Variants in CATSPERB observed in about 807,000 individuals in gnomAD.
CATSPERB encodes the protein catsper channel auxiliary subunit beta.
CATSPERB carries 93 observed loss-of-function variants against 128.3 expected under a neutral mutation model. The ratio of observed to expected loss-of-function variants is 0.72; its 90% CI spans 0.61 to 0.86. The LOEUF (loss-of-function observed/expected upper bound fraction) is 0.86. Among genes scored for constraint, CATSPERB ranks in the 40% least tolerant of loss-of-function variants. CATSPERB has a pLI of 0.00. For synonymous variants in CATSPERB, 381 were observed against 448.8 expected, an observed-to-expected ratio of 0.85 and a Z score of 1.91; for missense variants, 1,153 against 1,329.5, an observed-to-expected ratio of 0.87 and a Z score of 2.06.
intron 10 of CATSPERB, 132 bp downstream of exon 10, chr14:91,691,391 A>T (rs552876940): frequency 1.9e-4 from 84 of 433,792 alleles, no homozygotes; most frequent in African/African-American, 1.6e-3. Context: ...AAAAATATAT[A>T]TTTTGTTTAA....
intron 14 of CATSPERB, among the ~76,000 whole-genome samples, chr14:91,661,619 G>A (rs1447650708): frequency 6.6e-6 from 1 of 150,432 alleles, no homozygotes; most frequent in Non-Finnish European, 1.5e-5. Flanking sequence ...TGCCACCTCT[G>A]CCTTCTCAGC....
chr14:91,638,281 AC>A (rs1457673588), intron 16 of CATSPERB, among the ~76,000 whole-genome samples: 1 of 152,146 alleles, frequency 6.6e-6, no homozygotes, highest in Non-Finnish European at 1.5e-5. Context: ...TATTATAAAA[AC>A]CGGTATCAAG....
intron 26 of CATSPERB, among the ~76,000 whole-genome samples, chr14:91,583,565 C>G (rs1893245720): frequency 6.6e-6 from 1 of 152,242 alleles, no homozygotes; most frequent in South Asian, 2.1e-4. Context: ...TGTTTCCCTT[C>G]TAATCTTCTT....
At chr14:91,640,325 T>C (rs1256544347) in intron 15 of CATSPERB, among the ~76,000 whole-genome samples, 2 of 149,944 alleles carry the variant, frequency 1.3e-5, no homozygotes, top group Admixed American at 6.6e-5. Context: ...ACATGTGCCA[T>C]GCTGGTGCAC....
intron 22 of CATSPERB, among the ~76,000 whole-genome samples, chr14:91,600,303 C>T (rs1415476470): frequency 6.6e-6 from 1 of 152,176 alleles, no homozygotes; most frequent in Non-Finnish European, 1.5e-5. Flanking sequence ...ATTATTATAG[C>T]TATTCTAATG....
chr14:91,664,409 G>A (rs1201871975), intron 14 of CATSPERB, among the ~76,000 whole-genome samples: 2 of 151,812 alleles, frequency 1.3e-5, no homozygotes, highest in Non-Finnish European at 2.9e-5. Context: ...GGGATTACAA[G>A]CGCCTGCCAC....
intron 11 of CATSPERB, among the ~76,000 whole-genome samples, chr14:91,683,199 C>T (rs1895314682): frequency 6.6e-6 from 1 of 152,150 alleles, no homozygotes; most frequent in Non-Finnish European, 1.5e-5. Flanking sequence ...TGTCCCTGCA[C>T]CATAATGCTC....
intron 22 of CATSPERB, among the ~76,000 whole-genome samples, chr14:91,603,589 G>A (rs1188975765): frequency 6.6e-6 from 1 of 152,202 alleles, no homozygotes; most frequent in Non-Finnish European, 1.5e-5. Flanking sequence ...GCCCTCAGAA[G>A]AGAGGTTTAA....
intron 10 of CATSPERB, among the ~76,000 whole-genome samples, chr14:91,691,176 C>G (rs1895464731): frequency 6.6e-6 from 1 of 152,130 alleles, no homozygotes; most frequent in African/African-American, 2.4e-5. Flanking sequence ...ACCCCACCAC[C>G]TTACTCTCTT....
At chr14:91,589,953 C>T (rs1244560802) in intron 23 of CATSPERB, among the ~76,000 whole-genome samples, 1 of 152,134 alleles carries the variant, frequency 6.6e-6, no homozygotes. Flanking sequence ...TAAATCATAT[C>T]CCAGGAGGCT....
At chr14:91,719,381 A>T (rs1895992766) in intron 5 of CATSPERB, 37 bp downstream of exon 5, 1 of 1,415,684 alleles carries the variant, frequency 7.1e-7, no homozygotes, top group Non-Finnish European at 9.7e-7. Context: ...ATAAATCCAG[A>T]CCCAGGGGTA....
chr14:91,664,792 G>A (rs1894950459), intron 14 of CATSPERB, among the ~76,000 whole-genome samples: 1 of 152,126 alleles, frequency 6.6e-6, no homozygotes, highest in Non-Finnish European at 1.5e-5. Flanking sequence ...TTGTTCAACT[G>A]TTCGTTCTGT....
chr14:91,727,597 T>C (rs1896138968), intron 2 of CATSPERB, among the ~76,000 whole-genome samples: 1 of 152,206 alleles, frequency 6.6e-6, no homozygotes, highest in Admixed American at 6.5e-5. Flanking sequence ...TGCAGTCACT[T>C]TGCCCATACT....
chr14:91,650,737 A>G (rs1704652), intron 15 of CATSPERB, among the ~76,000 whole-genome samples: 28,357 of 151,976 alleles, frequency 0.19, 2,825 homozygotes, highest in South Asian at 0.24. Context: ...AGAGGGCTAT[A>G]CTATGCCAGA....
Position 91,684,605 on chromosome 14 carries a change from CT to C in CATSPERB, c.865-663del, listed in dbSNP as rs1160778932. Among the ~76,000 whole-genome samples the C allele has an allele frequency of 8.8e-3, 985 of 112,332 alleles. 8 individuals carry two copies. Among genetic ancestry groups the C allele is most frequent in the African/African-American group, 0.025 (763 of 30,082 alleles). 73.7% of individuals were successfully genotyped at this position (112,332 alleles called of 152,430 possible). A position where few individuals can be genotyped will look rare whatever the true frequency, so the allele number is the denominator to read the frequency against. On this transcript the variant is annotated intron_variant, in intron 10 of 26. Transcript: ENST00000256343. ...AACTTGAACACATGAGGAGACACTT[CT>C]TTTTTTTTTTTTTTTTTTTTTAAAT...
At chr14:91,672,190 CA>C (rs1320960236) in intron 13 of CATSPERB, among the ~76,000 whole-genome samples, 2 of 152,158 alleles carry the variant, frequency 1.3e-5, no homozygotes, top group Non-Finnish European at 2.9e-5. Flanking sequence ...ACTCATTGAA[CA>C]TACGAAGATG....
rs2139777652 is a variant in CATSPERB, at chr14:91,719,470, A to G, written c.318T>C (p.Asp106=). The change falls in exon 5 of 27, where the codon GAT becomes GAC. Residue 106 remains aspartate, a synonymous_variant. Transcript: ENST00000256343. ...IFHFNLTLFS[D]RILWLVDIPR... ...GAATATCAACCAACCACAAAATCCG[A>G]TCACTGAACTTGAATAAAGAAGACA... 1 of 1,610,894 alleles carries G rather than the reference A, an allele frequency of 6.2e-7. No homozygotes were observed. The highest frequency in any genetic ancestry group is 8.5e-7 in the Non-Finnish European group (1 of 1,178,196).
At chr14:91,674,502 T>A (rs1895156241) in intron 11 of CATSPERB, among the ~76,000 whole-genome samples, 1 of 152,238 alleles carries the variant, frequency 6.6e-6, no homozygotes, top group Non-Finnish European at 1.5e-5. Context: ...CAAACTTGTC[T>A]TTATATTTTG....
chr14:91,642,769 G>A (rs11847304), intron 15 of CATSPERB, among the ~76,000 whole-genome samples: 25,202 of 140,920 alleles, frequency 0.18, 2,375 homozygotes, highest in South Asian at 0.22. Flanking sequence ...GATTGGAATA[G>A]TTTCAGAAGG....
Sources: gnomAD v4.1 joint callset for allele counts (sites outside exome capture counted in the v4.1 genomes callset) on GRCh38, gnomAD v4.1.1 for gene constraint, MANE v1.5 for transcripts, NCBI Gene and HGNC (gene_info 2026-07-23, HGNC 2026-07-21) for gene names.